ABCA12: variants seen among roughly 807,000 people sequenced by gnomAD.
ABCA12 encodes the protein glucosylceramide transporter ABCA12.
ABCA12 carries 156 observed loss-of-function variants against 293.5 expected under a neutral mutation model. The ratio of observed to expected loss-of-function variants is 0.53; its 90% CI spans 0.47 to 0.61. The LOEUF (loss-of-function observed/expected upper bound fraction) is 0.61, where lower values mean the gene tolerates loss of function less well. ABCA12 is among the 20% of genes least tolerant of loss of function. ABCA12 has a pLI of 0.00. For missense variants in ABCA12, 2,797 were observed against 3,090.2 expected, an observed-to-expected ratio of 0.91 and a Z score of 2.25; for synonymous variants, 1,063 against 1,108.0, an observed-to-expected ratio of 0.96 and a Z score of 0.81.
intron 3 of ABCA12, 149 bp downstream of exon 3, chr2:215,063,917 T>C: frequency 1.0e-6 from 1 of 960,256 alleles, no homozygotes; most frequent in Middle Eastern, 2.2e-4. Flanking sequence ...AGTTTATACC[T>C]ACTTTGTTAT....
At chr2:215,046,395 T>A (rs1667114514) in intron 6 of ABCA12, among the ~76,000 whole-genome samples, 1 of 149,908 alleles carries the variant, frequency 6.7e-6, no homozygotes, top group South Asian at 2.1e-4. Flanking sequence ...TACTTATTAC[T>A]AGGTGTTATA....
chr2:215,031,541 C>CATAA (rs1479659357), intron 9 of ABCA12, among the ~76,000 whole-genome samples: 3 of 152,152 alleles, frequency 2.0e-5, no homozygotes, highest in African/African-American at 7.2e-5. Flanking sequence ...TCCTCATAGG[C>CATAA]ATAAGGTAAC....
At chr2:214,986,173 G>T (rs1198635565) in intron 28 of ABCA12, among the ~76,000 whole-genome samples, 1 of 152,152 alleles carries the variant, frequency 6.6e-6, no homozygotes, top group Non-Finnish European at 1.5e-5. Flanking sequence ...GCTTGGTAGA[G>T]ACCAGGGATG....
At chr2:215,029,522 T>C (rs946391720) in intron 9 of ABCA12, 9 of 152,116 alleles carry the variant, frequency 5.9e-5, no homozygotes, top group Admixed American at 2.0e-4. Flanking sequence ...AACAGCAAAA[T>C]ACTGGCCTTA....
intron 2 of ABCA12, chr2:215,085,493 C>T (rs925813148): frequency 1.3e-5 from 2 of 152,138 alleles, no homozygotes; most frequent in Admixed American, 6.6e-5. Flanking sequence ...TAAATGAAAA[C>T]CTGTAGGTAA....
chr2:215,064,699 A>G (rs1196591415), intron 2 of ABCA12, among the ~76,000 whole-genome samples: 2 of 29,862 alleles, frequency 6.7e-5, no homozygotes, highest in African/African-American at 1.2e-4. Context: ...ACACGCACAC[A>G]CACACACACA....
intron 45 of ABCA12, among the ~76,000 whole-genome samples, chr2:214,950,151 A>T (rs895678686): frequency 2.6e-5 from 4 of 152,162 alleles, no homozygotes; most frequent in Non-Finnish European, 5.9e-5. Flanking sequence ...TATTATAAGT[A>T]ATCTAGAGAT....
intron 36 of ABCA12, among the ~76,000 whole-genome samples, chr2:214,972,194 T>G (rs191351487): frequency 1.2e-4 from 19 of 152,274 alleles, no homozygotes; most frequent in African/African-American, 4.6e-4. Flanking sequence ...TGGATTTCCT[T>G]TTTACTCTCT....
At chr2:214,994,847 T>A (rs1700001589) in intron 23 of ABCA12, among the ~76,000 whole-genome samples, 1 of 152,168 alleles carries the variant, frequency 6.6e-6, no homozygotes, top group African/African-American at 2.4e-5. Context: ...TTAGGCTACC[T>A]GTCTGAACTG....
intron 1 of ABCA12, among the ~76,000 whole-genome samples, chr2:215,134,878 G>A (rs1396934820): frequency 6.6e-6 from 1 of 151,814 alleles, no homozygotes; most frequent in Admixed American, 6.6e-5. Flanking sequence ...GAACTCCTAG[G>A]CTCAAGTCTT....
chr2:215,132,758 G>T (rs1351657853), intron 1 of ABCA12, among the ~76,000 whole-genome samples: 2 of 152,040 alleles, frequency 1.3e-5, no homozygotes, highest in African/African-American at 4.8e-5. Flanking sequence ...TGATACGTGA[G>T]ATTTTGTTCT....
At chr2:214,934,469 TAC>T (rs1328530486) in intron 51 of ABCA12, among the ~76,000 whole-genome samples, 1 of 152,226 alleles carries the variant, frequency 6.6e-6, no homozygotes, top group Non-Finnish European at 1.5e-5. Flanking sequence ...TGTGAAGTTA[TAC>T]AGTCATTATA....
At chr2:215,132,599 T>C (rs1262141487) in intron 1 of ABCA12, among the ~76,000 whole-genome samples, 2 of 152,058 alleles carry the variant, frequency 1.3e-5, no homozygotes, top group East Asian at 3.9e-4. Flanking sequence ...TATATCTTTT[T>C]CTACCTTTTT....
chr2:215,120,100 C>A (rs967035508), intron 1 of ABCA12, among the ~76,000 whole-genome samples: 1 of 152,124 alleles, frequency 6.6e-6, no homozygotes, highest in South Asian at 2.1e-4. Flanking sequence ...AGAATGAAAT[C>A]ATGTAATCAT....
At position 215,011,553 on chromosome 2, in the gene ABCA12, T is replaced by G; in HGVS notation, c.2218A>C (p.Thr740Pro). 6.2e-7 allele frequency: 1 copy of G among 1,614,054 alleles called. No homozygotes were observed. Among genetic ancestry groups the G allele is most frequent in the Non-Finnish European group, 8.5e-7 (1 of 1,179,954 alleles). The change falls in exon 17 of 53, where the codon ACT (threonine) becomes CCT (proline). Residue 740 changes from threonine to proline, a missense_variant. Thr to Pro is a conservative substitution (Grantham distance 38). This residue lies in a region of ABCA12 where 2,130 missense variants were observed against 2,427.0 expected (regional missense o/e 0.88). Transcript: ENST00000272895. Reference protein sequence around the residue: ...CSQGITTEYLTAMLPSSQRPK... With the variant: ...CSQGITTEYLPAMLPSSQRPK... Reference sequence around the variant, plus strand: ...CTCTGGGAAGAGGGCAGCATGGCAGTTAAATATTCAGTGGTAATTCCTTGA... The same window carrying G: ...CTCTGGGAAGAGGGCAGCATGGCAGGTAAATATTCAGTGGTAATTCCTTGA...
chr2:215,065,110 A>G (rs1352644989), intron 2 of ABCA12, among the ~76,000 whole-genome samples: 1 of 151,866 alleles, frequency 6.6e-6, no homozygotes, highest in African/African-American at 2.4e-5. Context: ...ATAAAATACG[A>G]TGATGGCATA....
At chr2:215,082,577 T>G (rs1347358460) in intron 2 of ABCA12, 5 of 152,250 alleles carry the variant, frequency 3.3e-5, no homozygotes, top group African/African-American at 1.2e-4. Flanking sequence ...AATTGCCTTC[T>G]TTCTCTTCAC....
chr2:214,981,927 C>T (rs1699666497), intron 30 of ABCA12, among the ~76,000 whole-genome samples: 1 of 146,208 alleles, frequency 6.8e-6, no homozygotes, highest in South Asian at 2.2e-4. Context: ...ATGCCAGCCA[C>T]CACAGTCAGC....
At position 214,944,538 on chromosome 2, in the gene ABCA12, A is replaced by T. The variant is rs547824103; in HGVS notation, c.7343+463T>A. Among the ~76,000 whole-genome samples the T allele has an allele frequency of 1.1e-3, 164 of 152,208 alleles. 1 individual carries two copies. The highest frequency in any genetic ancestry group is 0.01 in the Middle Eastern group (3 of 294). On this transcript the variant is annotated intron_variant, in intron 49 of 52. Coordinates refer to ENST00000272895, the MANE Select transcript of ABCA12 (RefSeq NM_173076.3). Reference sequence around the variant, plus strand: ...AACCAGGAAGGAGTCATCCAGATTGACTGATAGGAGAGGGTGTTGCAGGGG... The same window carrying T: ...AACCAGGAAGGAGTCATCCAGATTGTCTGATAGGAGAGGGTGTTGCAGGGG...
Sources: gnomAD v4.1 joint callset for allele counts (sites outside exome capture counted in the v4.1 genomes callset) on GRCh38, gnomAD v4.1.1 for gene constraint, gnomAD v4.1.1 regional missense constraint, MANE v1.5 for transcripts, NCBI Gene and HGNC (gene_info 2026-07-23, HGNC 2026-07-21) for gene names.